The following MAP1A variants were observed in gnomAD, a reference collection of about 807,000 sequenced individuals.
MAP1A encodes microtubule-associated protein 1A.
Under a neutral mutation model 185.9 loss-of-function variants are expected in MAP1A, and 42 were observed. The observed-to-expected ratio is 0.23, with a 90% confidence interval of 0.18 to 0.29. MAP1A has a LOEUF of 0.29. Ranked by LOEUF, MAP1A falls within the 10% of genes least tolerant of loss-of-function variation. The pLI is 1.00. For missense variants in MAP1A, 2,995 were observed against 3,450.4 expected (o/e 0.87, Z 3.31); for synonymous variants, 1,229 against 1,335.9 (o/e 0.92, Z 1.74).
chr15:43,523,907 C>T lies in MAP1A; in HGVS notation c.2434C>T (p.Pro812Ser), dbSNP rs764256738. ...AACGCCAGAGACTGAACTCACCTAC[C>T]CCACTAACATAGTGGCTGCCCCTTT... ...YGTPETELTY[P>S]TNIVAAPLAE... The change falls in exon 4 of 6, where the codon CCC becomes TCC. Residue 812 changes from proline to serine, a missense_variant. Transcript: ENST00000300231. 4.3e-6 allele frequency: 7 copies of T among 1,614,082 alleles called. No homozygotes were observed. Among genetic ancestry groups the T allele is most frequent in the Non-Finnish European group, 5.9e-6 (7 of 1,180,036 alleles).
rs1566978884 is a variant in MAP1A, at chr15:43,527,272, G to A, written c.5799G>A (p.Lys1933=). Residue 1933 remains lysine, a synonymous_variant, in exon 4 of 6, where the codon AAG becomes AAA. Transcript: ENST00000300231. ...EAPDKSSHSS[K]VPEASKSHAT... ...CTGACAAAAGCTCACACAGCTCAAA[G>A]GTACCAGAGGCCAGCAAAAGCCATG... 6.2e-7 allele frequency: 1 copy of A among 1,614,028 alleles called. No individual in the cohort carries two copies. The highest frequency in any genetic ancestry group is 1.3e-5 in the African/African-American group (1 of 74,918).
chr15:43,523,162 T>A lies in MAP1A; in HGVS notation c.1689T>A (p.Thr563=). ...GLGDKPFPLD[T]AEEGPPSTAI... The stretch of plus-strand genomic sequence containing the variant: ...GAGATAAGCCATTCCCTCTAGACAC[T>A]GCAGAGGAGGGACCCCCAAGTACAG... The change falls in exon 4 of 6, where the codon ACT becomes ACA. Residue 563 remains threonine, a synonymous_variant. Transcript: ENST00000300231. 6.2e-7 allele frequency: 1 copy of A among 1,614,016 alleles called. No homozygotes were observed. Among genetic ancestry groups the A allele is most frequent in the Non-Finnish European group, 8.5e-7 (1 of 1,179,986 alleles).
chr15:43,512,156 C>A, intron 1 of MAP1A: 1 of 1,326,626 alleles, frequency 7.5e-7, no homozygotes, highest in Non-Finnish European at 1.1e-6. Flanking sequence ...AACCTGCAAC[C>A]TTATCCAGAA....
chr15:43,522,340 G>A lies in MAP1A; in HGVS notation c.867G>A (p.Leu289=), dbSNP rs749180163. 6 of 1,614,150 alleles carry A rather than the reference G, an allele frequency of 3.7e-6. No homozygotes were observed. The Middle Eastern group carries it at 9.9e-4, about 266-fold the overall frequency. ...AAAAGCTTCGGCATCTGGACTTCCTGCGTTACCCTGTGGCCACGCAGAAGG... is the reference window on the plus strand; with the variant it reads ...AAAAGCTTCGGCATCTGGACTTCCTACGTTACCCTGTGGCCACGCAGAAGG... The part of the protein sequence containing the change: ...GLEKLRHLDF[L]RYPVATQKDL... Residue 289 remains leucine, a synonymous_variant, in exon 4 of 6, where the codon CTG becomes CTA. Coordinates refer to ENST00000300231, the MANE Select transcript of MAP1A (RefSeq NM_002373.6). The surrounding 1 kb of genome is among the most constrained non-coding windows in gnomAD (Gnocchi z 5.9).
Position 43,529,967 on chromosome 15 carries a change from C to G in MAP1A, c.8256+97C>G, listed in dbSNP as rs142641061. The G allele has an allele frequency of 6.9e-3, 10,684 of 1,554,598 alleles. 66 individuals are homozygous for G. Among genetic ancestry groups the G allele is most frequent in the Non-Finnish European group, 8.0e-3 (9,082 of 1,132,780 alleles). On this transcript the variant is annotated intron_variant, in intron 5 of 5. Coordinates refer to ENST00000300231, the MANE Select transcript of MAP1A (RefSeq NM_002373.6). This position sits in a 1 kb window ranked among gnomAD's most constrained non-coding sequence, Gnocchi z 4.3. Reference sequence around the variant, plus strand: ...CTATTTATTAAAGGATGGGCCTTTTCTAAGGGCAGCAGAGCTGCTTCTGAG... The same window carrying G: ...CTATTTATTAAAGGATGGGCCTTTTGTAAGGGCAGCAGAGCTGCTTCTGAG...
Position 43,527,052 on chromosome 15 carries a change from C to T in MAP1A, c.5579C>T (p.Ala1860Val). 6.3e-7 allele frequency: 1 copy of T among 1,585,546 alleles called. No individual in the cohort carries two copies. The highest frequency in any genetic ancestry group is 1.3e-5 in the African/African-American group (1 of 74,646). The change falls in exon 4 of 6, where the codon GCT (alanine) becomes GTT (valine). Residue 1860 changes from alanine to valine, a missense_variant. Physicochemically the swap from Ala to Val is moderately conservative, Grantham distance 64. This residue lies in a region of MAP1A where 2,728 missense variants were observed against 2,986.0 expected (regional missense o/e 0.91). Transcript: ENST00000300231. ...RPLPPAPLSP[A>V]PGPPTPAPES... ...CTCCCCCCTGCACCCCTCTCCCCAGCTCCTGGTCCCCCCACACCTGCCCCG... is the reference window on the plus strand; with the variant it reads ...CTCCCCCCTGCACCCCTCTCCCCAGTTCCTGGTCCCCCCACACCTGCCCCG...
chr15:43,525,254 G>A lies in MAP1A; in HGVS notation c.3781G>A (p.Ala1261Thr), dbSNP rs778293924. Residue 1261 changes from alanine to threonine, a missense_variant, in exon 4 of 6, where the codon GCC (alanine) becomes ACC (threonine). Physicochemically the swap from Ala to Thr is moderately conservative, Grantham distance 58. Transcript: ENST00000300231. ...CATGTCTGTTCCAGAGCCCCATGCA[G>A]CCACAGCGTCACCTCCCACAGATGG... ...APMSVPEPHAATASPPTDGTT... is the reference protein window; with the variant it reads ...APMSVPEPHATTASPPTDGTT... 2.5e-6 allele frequency: 4 copies of A among 1,614,158 alleles called. No individual in the cohort carries two copies. The Admixed American group carries it at 6.7e-5, about 27-fold the overall frequency.
chr15:43,525,505 T>C lies in MAP1A; in HGVS notation c.4032T>C (p.Asp1344=). The C allele has an allele frequency of 6.2e-7, 1 of 1,614,200 alleles. No homozygotes were observed. The highest frequency in any genetic ancestry group is 8.5e-7 in the Non-Finnish European group (1 of 1,180,042). ...AGGACATTGCCATAAAGTGGGAAGA[T>C]AAAGTTCCAGGGTTGAAAGACAGAA... ...ALEDIAIKWE[D]KVPGLKDRTS... Residue 1344 remains aspartate (D), a synonymous_variant, in exon 4 of 6, where the codon GAT becomes GAC. Coordinates refer to ENST00000300231, the MANE Select transcript of MAP1A (RefSeq NM_002373.6).
Position 43,528,268 on chromosome 15 carries a change from G to T in MAP1A, c.6795G>T (p.Thr2265=), listed in dbSNP as rs373115035. The change falls in exon 4 of 6, where the codon ACG becomes ACT. Residue 2265 remains threonine, a synonymous_variant. Transcript: ENST00000300231. ...AGGGCTCCTCCTCTGAGGCTACCACGCCTGTGATTTCAAGTGTGGCGGAGC... is the reference window on the plus strand; with the variant it reads ...AGGGCTCCTCCTCTGAGGCTACCACTCCTGTGATTTCAAGTGTGGCGGAGC... ...LSEGSSSEAT[T]PVISSVAERF... 4 of 1,613,862 alleles carry T rather than the reference G, an allele frequency of 2.5e-6. No individual in the cohort carries two copies. In the African/African-American group the frequency reaches 5.3e-5, roughly 22 times the overall value.
At position 43,526,981 on chromosome 15, in the gene MAP1A, C is replaced by G. The variant is rs1328038461; in HGVS notation, c.5508C>G (p.Pro1836=). 1 of 1,613,102 alleles carries G rather than the reference C, an allele frequency of 6.2e-7. No individual in the cohort carries two copies. Among genetic ancestry groups the G allele is most frequent in the Non-Finnish European group, 8.5e-7 (1 of 1,179,480 alleles). Residue 1836 remains proline, a synonymous_variant, in exon 4 of 6, where the codon CCC becomes CCG. Transcript: ENST00000300231. This position sits in a 1 kb window ranked among gnomAD's most constrained non-coding sequence, Gnocchi z 4.7. The stretch of plus-strand genomic sequence containing the variant: ...ACATGAAGAATGAACCCACTACTCC[C>G]TCATGGCTGGCTGACATCCCACCCT... ...MPHMKNEPTT[P]SWLADIPPWV...
rs773400796 is a variant in MAP1A at position 43,527,699 on chromosome 15, C to T, written c.6226C>T (p.Pro2076Ser). The T allele has an allele frequency of 6.2e-7, 1 of 1,613,088 alleles. No homozygotes were observed. The highest frequency in any genetic ancestry group is 1.3e-5 in the African/African-American group (1 of 74,720). Residue 2076 changes from proline (P) to serine (S), a missense_variant, in exon 4 of 6, where the codon CCT becomes TCT. Pro to Ser is a moderately conservative substitution (Grantham distance 74, BLOSUM62 -1). Around this residue, in one of 3 missense-constraint regions of MAP1A, gnomAD observed 2,728 missense variants for 2,986.0 expected, o/e 0.91. Transcript: ENST00000300231. ...APILSKGPSP[P>S]LNGNILSCSP... ...TATCCTGAGCAAAGGCCCAAGCCCC[C>T]CTCTTAATGGTAACATCCTGAGCTG...
chr15:43,521,839 C>T lies in MAP1A; in HGVS notation c.366C>T (p.Asp122=). The change falls in exon 4 of 6, where the codon GAC becomes GAT. Residue 122 remains aspartate, a synonymous_variant. Coordinates refer to ENST00000300231, the MANE Select transcript of MAP1A (RefSeq NM_002373.6). This position sits in a 1 kb window ranked among gnomAD's most constrained non-coding sequence, Gnocchi z 4.6. The part of the protein sequence containing the change: ...EQSQGSSSYS[D]WVKNLISPEL... ...CCCAGGGCTCTAGCAGTTACAGCGA[C>T]TGGGTGAAGAACCTTATCTCTCCTG... 6.2e-7 allele frequency: 1 copy of T among 1,614,230 alleles called. No homozygotes were observed. The highest frequency in any genetic ancestry group is 8.5e-7 in the Non-Finnish European group (1 of 1,180,042).
chr15:43,518,388 C>T (rs2079306207), intron 1 of MAP1A, among the ~76,000 whole-genome samples: 2 of 152,052 alleles, frequency 1.3e-5, no homozygotes, highest in East Asian at 3.9e-4. Context: ...CATTTCCAGT[C>T]GTGTCAACCC....
Position 43,525,167 on chromosome 15 carries a change from C to A in MAP1A, c.3694C>A (p.Leu1232Ile), listed in dbSNP as rs2079337349. The change falls in exon 4 of 6, where the codon CTT (leucine) becomes ATT (isoleucine). Residue 1232 changes from leucine (L) to isoleucine (I), a missense_variant. By Grantham distance (5) the Leu-to-Ile change is conservative. Coordinates refer to ENST00000300231, the MANE Select transcript of MAP1A (RefSeq NM_002373.6). ...LGTLQFGELN[L>I]GKEEMGHLMQ... is the part of the protein sequence containing the mutation. ...CACCCTCCAGTTTGGGGAACTAAAC[C>A]TTGGGAAGGAAGAAATGGGGCATCT... 2 of 1,614,056 alleles carry A rather than the reference C, an allele frequency of 1.2e-6. No individual in the cohort carries two copies. Among genetic ancestry groups the A allele is most frequent in the Non-Finnish European group, 1.7e-6 (2 of 1,180,030 alleles).
In MAP1A at chr15:43,524,837, T is replaced by C; in HGVS notation, c.3364T>C (p.Leu1122=). The C allele has an allele frequency of 6.2e-7, 1 of 1,614,128 alleles. No individual in the cohort carries two copies. The highest frequency in any genetic ancestry group is 8.5e-7 in the Non-Finnish European group (1 of 1,180,018). ...GGGAGCAGAAGCCCTTCCCGGAGGT[T>C]TGAGGACTTTACCCCAAGAACCTGG... The part of the protein sequence containing the change: ...ILGAEALPGG[L]RTLPQEPGKP... Residue 1122 remains leucine, a synonymous_variant, in exon 4 of 6, where the codon TTG becomes CTG. Transcript: ENST00000300231.
In MAP1A at chr15:43,522,438, G is replaced by A. The variant is rs2079323012; in HGVS notation, c.965G>A (p.Ser322Asn). The change falls in exon 4 of 6, where the codon AGC (serine) becomes AAC (asparagine). Residue 322 changes from serine to asparagine, a missense_variant. This residue lies in a region of MAP1A where 264 missense variants were observed against 435.3 expected (regional missense o/e 0.61). Transcript: ENST00000300231. The surrounding 1 kb of genome is among the most constrained non-coding windows in gnomAD (Gnocchi z 5.9). ...AAACAGCGGGCTGATAGCAAGGAGA[G>A]CCTCAAAGCCACTACCAAGACGGCC... The part of the protein sequence containing the change: ...KIKQRADSKE[S>N]LKATTKTAVS... 6.2e-7 allele frequency: 1 copy of A among 1,614,150 alleles called. No individual in the cohort carries two copies. Among genetic ancestry groups the A allele is most frequent in the Non-Finnish European group, 8.5e-7 (1 of 1,180,020 alleles).
upstream of MAP1A, among the ~76,000 whole-genome samples, chr15:43,517,229 C>T (rs1400997937): frequency 3.9e-5 from 6 of 152,252 alleles, no homozygotes; most frequent in East Asian, 5.8e-4. Context: ...AAGGTCACTC[C>T]CTGGATCCAT....
Position 43,523,024 on chromosome 15 carries a change from C to T in MAP1A, c.1551C>T (p.Ile517=). 6.2e-7 allele frequency: 1 copy of T among 1,614,192 alleles called. No individual in the cohort carries two copies. The highest frequency in any genetic ancestry group is 1.1e-5 in the South Asian group (1 of 91,082). The change falls in exon 4 of 6, where the codon ATC becomes ATT. Residue 517 remains isoleucine, a synonymous_variant. Coordinates refer to ENST00000300231, the MANE Select transcript of MAP1A (RefSeq NM_002373.6). ...AGGGAACTGTACCACTCCCAACCATCAGTGGGCACAGGGAGCTGGTCCTAT... is the reference window on the plus strand; with the variant it reads ...AGGGAACTGTACCACTCCCAACCATTAGTGGGCACAGGGAGCTGGTCCTAT... ...AQKGTVPLPT[I]SGHRELVLSS... is the part of the protein sequence containing the mutation.
In MAP1A at chr15:43,529,564, G is replaced by C. The variant is rs2079362703; in HGVS notation, c.8035+56G>C. The C allele has an allele frequency of 1.2e-6, 2 of 1,604,608 alleles. No homozygotes were observed. Among genetic ancestry groups the C allele is most frequent in the African/African-American group, 1.3e-5 (1 of 74,710 alleles). ...GTGGGTTAGGGCTGGGTGTGGGCTGGTCAGACTTCAGGAGTGGGACAGAGG... is the reference window on the plus strand; with the variant it reads ...GTGGGTTAGGGCTGGGTGTGGGCTGCTCAGACTTCAGGAGTGGGACAGAGG... On this transcript the variant is annotated intron_variant, in intron 4 of 5. Transcript: ENST00000300231. This position sits in a 1 kb window ranked among gnomAD's most constrained non-coding sequence, Gnocchi z 4.3.
Sources: allele counts gnomAD v4.1 joint callset (sites outside exome capture counted in the v4.1 genomes callset), GRCh38; gene constraint gnomAD v4.1.1; regional missense constraint gnomAD v4.1.1; non-coding constraint Gnocchi (gnomAD v3.1); transcripts MANE v1.5; gene names NCBI Gene and HGNC (gene_info 2026-07-23, HGNC 2026-07-21).